PXDN: variants seen among roughly 807,000 people sequenced by gnomAD.
PXDN encodes the protein peroxidasin homolog.
Under a neutral mutation model 140.3 loss-of-function variants are expected in PXDN, and 77 were observed. The ratio of observed to expected loss-of-function variants is 0.55; its 90% CI spans 0.46 to 0.66. The LOEUF is 0.66. PXDN is among the 30% of genes least tolerant of loss of function. The pLI is 0.00. For missense variants in PXDN, 1,838 were observed against 2,039.5 expected, an observed-to-expected ratio of 0.90 and a Z score of 1.90; for synonymous variants, 911 against 857.4, an observed-to-expected ratio of 1.06 and a Z score of -1.09.
At chr2:1,658,004 TGAGCACTCCATTTCAGCTGTGGG>T (rs1683190485) in intron 14 of PXDN, among the ~76,000 whole-genome samples, 1 of 131,426 alleles carries the variant, frequency 7.6e-6, no homozygotes, top group Non-Finnish European at 1.6e-5. Flanking sequence ...CTCTTCCTCC[TGAGCACTCCATTTCAGCTGTGGG>T]CTCTCTCTCT....
At chr2:1,664,142 T>C (rs1204776329) in intron 11 of PXDN, 2 of 195,042 alleles carry the variant, frequency 1.0e-5, no homozygotes, top group Non-Finnish European at 2.1e-5. Flanking sequence ...CTTTCCGGGA[T>C]AAACCTCTCC....
At chr2:1,684,619 AGATATCCTT>A (rs2125444803) in intron 4 of PXDN, among the ~76,000 whole-genome samples, 1 of 152,334 alleles carries the variant, frequency 6.6e-6, no homozygotes, top group Non-Finnish European at 1.5e-5. Context: ...TCAGATACAA[AGATATCCTT>A]CAAGACCACA....
intron 11 of PXDN, 153 bp from the exon 12 acceptor site, chr2:1,663,916 C>A: frequency 1.2e-6 from 1 of 837,618 alleles, no homozygotes; most frequent in Non-Finnish European, 1.9e-6. Context: ...TTTGCCTCCC[C>A]AGCAGACACC....
chr2:1,683,921 A>G (rs887854371), intron 5 of PXDN, among the ~76,000 whole-genome samples, 159 bp downstream of exon 5: 1 of 152,244 alleles, frequency 6.6e-6, no homozygotes, highest in African/African-American at 2.4e-5. Context: ...ATTAAAGAGA[A>G]AATTATAAGT....
chr2:1,635,359 C>A, intron 22 of PXDN, 49 bp downstream of exon 22: 2 of 1,496,872 alleles, frequency 1.3e-6, no homozygotes, highest in Non-Finnish European at 1.8e-6. Flanking sequence ...ATGGGACTCT[C>A]GGACTTGCGT....
Position 1,687,266 on chromosome 2 carries a change from T to C in PXDN, c.416+366A>G, listed in dbSNP as rs1558509167. On this transcript the variant is annotated intron_variant, in intron 4 of 22. Coordinates refer to ENST00000252804, the MANE Select transcript of PXDN (RefSeq NM_012293.3). This position sits in a 1 kb window ranked among gnomAD's most constrained non-coding sequence, Gnocchi z 4.0. Reference sequence around the variant, plus strand: ...TCTCCTCCCCGGGCACCCTGGATATTTCCCCTGTGAAGGATGCCTTGATCG... The same window carrying C: ...TCTCCTCCCCGGGCACCCTGGATATCTCCCCTGTGAAGGATGCCTTGATCG... Among the ~76,000 whole-genome samples the C allele has an allele frequency of 6.6e-6, 1 of 152,340 alleles. No homozygotes were observed. The highest frequency in any genetic ancestry group is 1.9e-4 in the East Asian group (1 of 5,178).
chr2:1,656,742 C>T (rs1683145052), intron 14 of PXDN, among the ~76,000 whole-genome samples: 1 of 147,678 alleles, frequency 6.8e-6, no homozygotes, highest in Non-Finnish European at 1.5e-5. Flanking sequence ...CTGACAGGGA[C>T]CTGCCCCCTC....
chr2:1,697,051 G>A (rs1373345944), intron 1 of PXDN, among the ~76,000 whole-genome samples: 2 of 152,176 alleles, frequency 1.3e-5, no homozygotes, highest in African/African-American at 2.4e-5. Context: ...ACCAGTGCTT[G>A]GGAGCCTGTT....
rs368007596 is a variant in PXDN at position 1,685,515 on chromosome 2, C to T, written c.417-1364G>A. 1.1e-4 allele frequency among the ~76,000 whole-genome samples: 17 copies of T among 152,220 alleles called. No homozygotes were observed. In the East Asian group the frequency reaches 2.3e-3, roughly 21 times the overall value. On this transcript the variant is annotated intron_variant, in intron 4 of 22. Transcript: ENST00000252804. The surrounding 1 kb of genome is among the most constrained non-coding windows in gnomAD (Gnocchi z 5.1). Reference sequence around the variant, plus strand: ...CCGATGTAAGACCCAGGCACCACCACGGCACAGTGGCTGTGAGCTGCTCAG... The same window carrying T: ...CCGATGTAAGACCCAGGCACCACCATGGCACAGTGGCTGTGAGCTGCTCAG...
At chr2:1,673,150 G>A (rs542779273) in intron 9 of PXDN, among the ~76,000 whole-genome samples, 2 of 152,302 alleles carry the variant, frequency 1.3e-5, no homozygotes, top group African/African-American at 4.8e-5. Flanking sequence ...GACTTGATGC[G>A]GCTGAGACAG....
rs1464010260 is a variant in PXDN, at chr2:1,635,485, A to G, written c.4243T>C (p.Cys1415Arg). Residue 1415 changes from cysteine to arginine, a missense_variant, in exon 22 of 23, where the codon TGC (cysteine) becomes CGC (arginine). Transcript: ENST00000252804. ...TGAGATTCGCCCCCGGCATCCACGC[A>G]CTCTGTGGTACTGAGCCGTGATTCA... is the stretch of plus-strand genomic sequence containing the variant. ...KLESRLSTTECVDAGGESHAN... is the reference protein window; with the variant it reads ...KLESRLSTTERVDAGGESHAN... 2 of 1,597,962 alleles carry G rather than the reference A, an allele frequency of 1.3e-6. No individual in the cohort carries two copies. The highest frequency in any genetic ancestry group is 1.7e-6 in the Non-Finnish European group (2 of 1,171,438).
intron 1 of PXDN, among the ~76,000 whole-genome samples, chr2:1,734,736 G>A (rs539025339): frequency 2.6e-5 from 4 of 152,252 alleles, no homozygotes; most frequent in East Asian, 1.9e-4. Flanking sequence ...GCATGGTGGC[G>A]CATGGCTGTA....
intron 1 of PXDN, among the ~76,000 whole-genome samples, chr2:1,734,105 A>G (rs547214414): frequency 5.1e-4 from 78 of 152,322 alleles, no homozygotes; most frequent in Non-Finnish European, 6.6e-4. Context: ...CAATATCACA[A>G]AACTTGGGGC....
chr2:1,702,990 G>GA (rs1321873301), intron 1 of PXDN, among the ~76,000 whole-genome samples: 1 of 112,018 alleles, frequency 8.9e-6, no homozygotes, highest in Non-Finnish European at 1.8e-5. Flanking sequence ...CCAGGTGAAG[G>GA]GGGGGACAAC....
At chr2:1,724,221 A>G (rs1433125898) in intron 1 of PXDN, among the ~76,000 whole-genome samples, 2 of 152,100 alleles carry the variant, frequency 1.3e-5, no homozygotes, top group African/African-American at 4.8e-5. Context: ...GAAAAATATT[A>G]ATCTAAGAGT....
At chr2:1,729,573 G>A (rs1685265819) in intron 1 of PXDN, among the ~76,000 whole-genome samples, 1 of 151,318 alleles carries the variant, frequency 6.6e-6, no homozygotes, top group East Asian at 1.9e-4. Flanking sequence ...GTGGGGGAGG[G>A]GGGTGAGGGA....
At chr2:1,684,721 G>A (rs545211829) in intron 4 of PXDN, among the ~76,000 whole-genome samples, 29 of 152,322 alleles carry the variant, frequency 1.9e-4, no homozygotes, top group African/African-American at 5.5e-4. Flanking sequence ...CTCGGGTGTC[G>A]TTGATTGTAC....
intron 8 of PXDN, chr2:1,676,614 G>A (rs1028488632): frequency 2.7e-5 from 11 of 411,806 alleles, no homozygotes; most frequent in Non-Finnish European, 4.0e-5. Flanking sequence ...GACGTCAGCA[G>A]GCAGGGAGAG....
chr2:1,644,029 G>A lies in PXDN; in HGVS notation c.3744-453C>T, dbSNP rs890340639. Among the ~76,000 whole-genome samples, 5 of 113,150 alleles carry A rather than the reference G, an allele frequency of 4.4e-5. 1 individual carries two copies. The highest frequency in any genetic ancestry group is 6.4e-4 in the South Asian group (2 of 3,106). The allele number at this position is 113,150 out of a possible 152,430, so 74.2% of individuals were successfully genotyped here. A position where few individuals can be genotyped will look rare whatever the true frequency, so the allele number is the denominator to read the frequency against. ...AGAGCTTGCAGTGAGTCGAGATCGCGCCACTGCACTCCAGCCTGGGTGACA... is the reference window on the plus strand; with the variant it reads ...AGAGCTTGCAGTGAGTCGAGATCGCACCACTGCACTCCAGCCTGGGTGACA... On this transcript the variant is annotated intron_variant, in intron 18 of 22. Transcript: ENST00000252804.
Sources: allele counts gnomAD v4.1 joint callset (sites outside exome capture counted in the v4.1 genomes callset), GRCh38; gene constraint gnomAD v4.1.1; non-coding constraint Gnocchi (gnomAD v3.1); transcripts MANE v1.5; gene names NCBI Gene and HGNC (gene_info 2026-07-23, HGNC 2026-07-21).